Variants in PLEKHG5 observed in about 807,000 individuals in gnomAD.
The protein encoded by PLEKHG5 is pleckstrin homology and RhoGEF domain containing G5, also known as pleckstrin homology domain-containing family G member 5.
Under a neutral mutation model 103.8 loss-of-function variants are expected in PLEKHG5, and 52 were observed. That is an observed-to-expected ratio of 0.50 (90% CI 0.40 to 0.63). PLEKHG5 has a LOEUF of 0.63. Among genes scored for constraint, PLEKHG5 ranks in the 30% least tolerant of loss-of-function variants. The pLI, the probability that PLEKHG5 is intolerant of heterozygous loss-of-function variation, is 0.00. For synonymous variants in PLEKHG5, 592 were observed against 575.5 expected, an observed-to-expected ratio of 1.03 and a Z score of -0.41; for missense variants, 1,205 against 1,347.6, an observed-to-expected ratio of 0.89 and a Z score of 1.66.
intron 1 of PLEKHG5, among the ~76,000 whole-genome samples, chr1:6,506,361 G>A (rs951137107): frequency 2.2e-4 from 34 of 152,278 alleles, no homozygotes; most frequent in Non-Finnish European, 4.4e-4. Context: ...CCAGGGCCCC[G>A]GCCCCACACA....
chr1:6,492,653 G>C (rs541234907), upstream of PLEKHG5, among the ~76,000 whole-genome samples: 161 of 152,198 alleles, frequency 1.1e-3, no homozygotes, highest in African/African-American at 3.8e-3. Context: ...GTTATATATG[G>C]GCCTCTTTTA....
At chr1:6,496,267 A>AC (rs901439317), upstream of PLEKHG5, among the ~76,000 whole-genome samples, 4 of 151,778 alleles carry the variant, frequency 2.6e-5, no homozygotes, top group Admixed American at 2.0e-4. Context: ...GGGGTACTCC[A>AC]CCCCCCTGTT....
chr1:6,483,292 C>T (rs1359403546), intron 1 of PLEKHG5, among the ~76,000 whole-genome samples: 1 of 152,152 alleles, frequency 6.6e-6, no homozygotes, highest in Non-Finnish European at 1.5e-5. Context: ...ACAGGATGAC[C>T]CAGATTCCTG....
rs938777464 is a variant in PLEKHG5, at chr1:6,487,313, C to T, written c.-88+4324G>A. The stretch of plus-strand genomic sequence containing the variant: ...GTATTTTAGTAGAGATGGGGTTTCG[C>T]CATGTTGACCAGGCTGGTCACTAAC... On this transcript the variant is annotated intron_variant, in intron 1 of 20. Transcript: ENST00000377728. This position sits in a 1 kb window ranked among gnomAD's most constrained non-coding sequence, Gnocchi z 4.1. Among the ~76,000 whole-genome samples, 1 of 152,152 alleles carries T rather than the reference C, an allele frequency of 6.6e-6. No homozygotes were observed. Among genetic ancestry groups the T allele is most frequent in the Non-Finnish European group, 1.5e-5 (1 of 68,036 alleles).
In PLEKHG5 at chr1:6,474,467, G is replaced by A. The variant is rs771301812; in HGVS notation, c.423C>T (p.His141=). ...GCTTCTCACCTTTGACACGAAGGTA[G>A]TGTCCCCCGAACCTGTAGGCCTCGA... ...LTFEAYRFGG[H]YLRVKAPAKP... The change falls in exon 6 of 21, where the codon CAC becomes CAT. Residue 141 remains histidine (H), a synonymous_variant. Coordinates refer to ENST00000377728, the MANE Select transcript of PLEKHG5 (RefSeq NM_020631.6). The A allele has an allele frequency of 6.2e-7, 1 of 1,613,946 alleles. No individual in the cohort carries two copies. The highest frequency in any genetic ancestry group is 1.7e-5 in the Admixed American group (1 of 60,024).
At chr1:6,488,307 C>G (rs956117774) in intron 1 of PLEKHG5, among the ~76,000 whole-genome samples, 2 of 152,286 alleles carry the variant, frequency 1.3e-5, no homozygotes, top group African/African-American at 4.8e-5. Flanking sequence ...TGACTTGCCC[C>G]AAAGTCACCA....
chr1:6,471,423 G>T (rs923668135), intron 12 of PLEKHG5, 65 bp downstream of exon 12: 3 of 1,538,378 alleles, frequency 2.0e-6, no homozygotes, highest in African/African-American at 1.4e-5. Context: ...GGATCGGGCC[G>T]TGGAGGCTTT....
chr1:6,472,978 G>A lies in PLEKHG5; in HGVS notation c.984+8C>T, dbSNP rs373560661. ...CAAGGAGGGAGCAGCACTGTGGCCC[G>A]CACTCACCTCATGCCCATCAATGAG... On this transcript the variant is annotated splice_region_variant and intron_variant, in intron 9 of 20. Transcript: ENST00000377728. 2.5e-5 allele frequency: 40 copies of A among 1,612,376 alleles called. No individual in the cohort carries two copies. Among genetic ancestry groups the A allele is most frequent in the African/African-American group, 4.0e-5 (3 of 74,896 alleles).
At chr1:6,511,909 C>T (rs1365154213) in intron 1 of PLEKHG5, among the ~76,000 whole-genome samples, 2 of 152,340 alleles carry the variant, frequency 1.3e-5, no homozygotes, top group African/African-American at 4.8e-5. Context: ...CCGGGGAGCC[C>T]GTGCTACTCT....
In PLEKHG5 at chr1:6,485,612, C is replaced by G. The variant is rs1297645621; in HGVS notation, c.-88+6025G>C. 1.2e-5 allele frequency: 7 copies of G among 605,774 alleles called. No individual in the cohort carries two copies. In the East Asian group the frequency reaches 1.9e-4, roughly 17 times the overall value. The allele number at this position is 605,774 out of a possible 1,614,324, so 37.5% of individuals were successfully genotyped here. On this transcript the variant is annotated intron_variant, in intron 1 of 20. Coordinates refer to ENST00000377728, the MANE Select transcript of PLEKHG5 (RefSeq NM_020631.6). ...GGAAGGCGGACACCTCCCTCCCGCC[C>G]GGGCCCTCGCCACCCAGCCCCGGGG...
At position 6,505,290 on chromosome 1, in the gene PLEKHG5, C is replaced by T. The variant is rs1431410965; in HGVS notation, c.-164-8721G>A. On this transcript the variant is annotated intron_variant, in intron 1 of 21. Coordinates refer to the PLEKHG5 transcript ENST00000377740. The surrounding 1 kb of genome is among the most constrained non-coding windows in gnomAD (Gnocchi z 4.2). ...CCAGCCTACAGTACCGACCAGCCCACGATGCCGACCAGCCTACGGTGCCGA... is the reference window on the plus strand; with the variant it reads ...CCAGCCTACAGTACCGACCAGCCCATGATGCCGACCAGCCTACGGTGCCGA... Among the ~76,000 whole-genome samples the T allele has an allele frequency of 2.0e-5, 3 of 152,062 alleles. No homozygotes were observed. The highest frequency in any genetic ancestry group is 6.6e-5 in the Admixed American group (1 of 15,266).
At chr1:6,471,209 C>T (rs1644575243) in intron 12 of PLEKHG5, 109 bp from the exon 13 acceptor site, 1 of 923,126 alleles carries the variant, frequency 1.1e-6, no homozygotes, top group Non-Finnish European at 1.7e-6. Context: ...GCGACCACCC[C>T]AAGGGGGCAG....
intron 5 of PLEKHG5, 109 bp downstream of exon 5, chr1:6,474,938 G>A (rs548365024): frequency 1.2e-5 from 10 of 812,842 alleles, no homozygotes; most frequent in African/African-American, 6.7e-5. Flanking sequence ...GCTCGCTCAC[G>A]GGCCACCACA....
chr1:6,471,135 C>T, intron 12 of PLEKHG5, 35 bp from the exon 13 acceptor site: 1 of 1,513,308 alleles, frequency 6.6e-7, no homozygotes, highest in Non-Finnish European at 9.0e-7. Context: ...GCGCCGGTTA[C>T]CGCGCGCTCC....
Position 6,474,511 on chromosome 1 carries a change from T to C in PLEKHG5, c.379A>G (p.Thr127Ala), listed in dbSNP as rs2148591381. 9 of 1,613,930 alleles carry C rather than the reference T, an allele frequency of 5.6e-6. No individual in the cohort carries two copies. The highest frequency in any genetic ancestry group is 7.6e-6 in the Non-Finnish European group (9 of 1,179,974). Residue 127 changes from threonine to alanine, a missense_variant, in exon 6 of 21, where the codon ACA becomes GCA. Thr to Ala is a moderately conservative substitution (Grantham distance 58). Coordinates refer to ENST00000377728, the MANE Select transcript of PLEKHG5 (RefSeq NM_020631.6). ...GCCTCGAAGGTGAGGGACAGGGGTGTGTTGGACTGGTCCAGGTAGATGTCC... is the reference window on the plus strand; with the variant it reads ...GCCTCGAAGGTGAGGGACAGGGGTGCGTTGGACTGGTCCAGGTAGATGTCC... ...KVDIYLDQSN[T>A]PLSLTFEAYR... is the part of the protein sequence containing the mutation.
At chr1:6,519,437 A>C (rs774444248) in intron 1 of PLEKHG5, 1 of 1,606,780 alleles carries the variant, frequency 6.2e-7, no homozygotes, top group Non-Finnish European at 8.5e-7. Flanking sequence ...GATAGAAAAC[A>C]TACTCACCGG....
chr1:6,469,296 T>A, intron 18 of PLEKHG5, 39 bp downstream of exon 18: 1 of 1,612,750 alleles, frequency 6.2e-7, no homozygotes, highest in South Asian at 1.1e-5. Context: ...AGCATCTCCC[T>A]AATCTGCCTT....
At chr1:6,514,282 G>A (rs1440463199) in intron 1 of PLEKHG5, among the ~76,000 whole-genome samples, 4 of 151,886 alleles carry the variant, frequency 2.6e-5, no homozygotes, top group South Asian at 2.1e-4. Flanking sequence ...TAGTGAGACC[G>A]TGTCTCTACA....
intron 15 of PLEKHG5, 21 bp from the exon 16 acceptor site, chr1:6,470,376 C>A (rs779805129): frequency 1.7e-5 from 28 of 1,613,672 alleles, no homozygotes; most frequent in Non-Finnish European, 2.2e-5. Context: ...ATGGCGTGAA[C>A]GTAGGGGAGG....
Sources: allele counts gnomAD v4.1 joint callset (sites outside exome capture counted in the v4.1 genomes callset), GRCh38; gene constraint gnomAD v4.1.1; non-coding constraint Gnocchi (gnomAD v3.1); transcripts MANE v1.5; gene names NCBI Gene and HGNC (gene_info 2026-07-23, HGNC 2026-07-21).